Variants in FRAS1 observed in about 807,000 individuals in gnomAD.
FRAS1 encodes the protein extracellular matrix organizing protein FRAS1.
FRAS1 carries 290 observed loss-of-function variants against 435.2 expected under a neutral mutation model. That is an observed-to-expected ratio of 0.67 (90% confidence interval 0.61 to 0.73). The LOEUF is 0.73. Ranked by LOEUF, FRAS1 falls within the 30% of genes least tolerant of loss-of-function variation. The pLI, the probability that FRAS1 is intolerant of heterozygous loss-of-function variation, is 0.00. For missense variants in FRAS1, 4,860 were observed against 5,001.5 expected, an observed-to-expected ratio of 0.97 and a Z score of 0.85; for synonymous variants, 1,800 against 1,851.0, an observed-to-expected ratio of 0.97 and a Z score of 0.71.
intron 26 of FRAS1, among the ~76,000 whole-genome samples, chr4:78,378,649 T>C (rs145053718): frequency 6.6e-6 from 1 of 152,332 alleles, no homozygotes; most frequent in East Asian, 1.9e-4. Context: ...GCTCATGTGC[T>C]TATTGGCCTT....
intron 35 of FRAS1, among the ~76,000 whole-genome samples, chr4:78,428,214 G>A (rs998039146): frequency 6.6e-6 from 1 of 152,134 alleles, no homozygotes; most frequent in Non-Finnish European, 1.5e-5. Context: ...TCACTGTTTT[G>A]TTCACTATTT....
At chr4:78,347,609 T>C (rs560267136) in intron 20 of FRAS1, among the ~76,000 whole-genome samples, 1 of 152,288 alleles carries the variant, frequency 6.6e-6, no homozygotes, top group East Asian at 1.9e-4. Context: ...TGCTGTTACA[T>C]GCTCTTCCCT....
At chr4:78,422,517 G>C (rs1277776225) in intron 34 of FRAS1, among the ~76,000 whole-genome samples, 1 of 152,168 alleles carries the variant, frequency 6.6e-6, no homozygotes, top group Admixed American at 6.5e-5. Context: ...TATGTATTTG[G>C]ATGGTCAGGA....
chr4:78,106,020 G>A (rs1208972506), intron 2 of FRAS1, among the ~76,000 whole-genome samples: 4 of 133,390 alleles, frequency 3.0e-5, no homozygotes, highest in Non-Finnish European at 3.2e-5. Context: ...ACTCCCACCC[G>A]AATATTGCGC....
At position 78,407,767 on chromosome 4, in the gene FRAS1, C is replaced by G; in HGVS notation, c.4234C>G (p.Gln1412Glu). ...TATPTSTFTQ[Q>E]DINEGIVWYR... ...TACCCCCACCAGCACCTTCACCCAG[C>G]AGGACATCAATGAAGGCATCGTATG... is the stretch of plus-strand genomic sequence containing the variant. Residue 1412 changes from glutamine to glutamate, a missense_variant, in exon 31 of 74, where the codon CAG becomes GAG. Coordinates refer to ENST00000512123, the MANE Select transcript of FRAS1 (RefSeq NM_025074.7). 6.2e-7 allele frequency: 1 copy of G among 1,613,886 alleles called. No homozygotes were observed. Among genetic ancestry groups the G allele is most frequent in the Non-Finnish European group, 8.5e-7 (1 of 1,179,816 alleles).
At chr4:78,464,400 T>C (rs552697577) in intron 48 of FRAS1, 43 bp from the exon 49 acceptor site, 2 of 1,612,884 alleles carry the variant, frequency 1.2e-6, no homozygotes, top group East Asian at 4.5e-5. Context: ...GTTGGGTAGG[T>C]GCTAGGGACA....
Position 78,108,986 on chromosome 4 carries a change from C to A in FRAS1, c.108+42970C>A, listed in dbSNP as rs1382545430. ...CTACAAACACCTCTACGCAAATAAA[C>A]TAGAAAATCTAGAAGAAATGGATAC... On this transcript the variant is annotated intron_variant, in intron 2 of 73. Coordinates refer to ENST00000512123, the MANE Select transcript of FRAS1 (RefSeq NM_025074.7). Among the ~76,000 whole-genome samples the A allele has an allele frequency of 2.8e-3, 162 of 57,096 alleles. 11 individuals are homozygous for A. The highest frequency in any genetic ancestry group is 3.9e-3 in the Non-Finnish European group (125 of 32,010). The allele number at this position is 57,096 out of a possible 152,430, so 37.5% of individuals were successfully genotyped here.
intron 18 of FRAS1, among the ~76,000 whole-genome samples, chr4:78,330,601 GC>G (rs1206377014): frequency 2.6e-5 from 4 of 152,126 alleles, no homozygotes; most frequent in Admixed American, 2.0e-4. Flanking sequence ...CTCTGAACTG[GC>G]CCCCCTGGGC....
intron 2 of FRAS1, among the ~76,000 whole-genome samples, chr4:78,189,719 T>C (rs955440807): frequency 2.0e-5 from 3 of 152,242 alleles, no homozygotes; most frequent in African/African-American, 7.2e-5. Flanking sequence ...CAGACACAGA[T>C]GGCAAGTCTC....
rs551739321 is a variant in FRAS1, at chr4:78,229,098, A to G, written c.109-8412A>G. Among the ~76,000 whole-genome samples, 4 of 152,310 alleles carry G rather than the reference A, an allele frequency of 2.6e-5. No homozygotes were observed. The East Asian group carries it at 5.8e-4, about 22-fold the overall frequency. The stretch of plus-strand genomic sequence containing the variant: ...TGGAGGTGGGTTTGGTGGGAAAAAC[A>G]TAAGCTTTGAAATCAGATGGACACT... On this transcript the variant is annotated intron_variant, in intron 2 of 73. Coordinates refer to ENST00000512123, the MANE Select transcript of FRAS1 (RefSeq NM_025074.7).
At chr4:78,072,219 C>G (rs1578105349) in intron 2 of FRAS1, 2 of 152,124 alleles carry the variant, frequency 1.3e-5, no homozygotes, top group Non-Finnish European at 2.9e-5. Flanking sequence ...CTGGTCTAAT[C>G]TGTAGACCTT....
chr4:78,275,898 A>C (rs190695443), intron 9 of FRAS1, among the ~76,000 whole-genome samples: 5 of 152,246 alleles, frequency 3.3e-5, no homozygotes, highest in East Asian at 3.9e-4. Flanking sequence ...TGGATAATAT[A>C]CTGCAGAGTG....
At chr4:78,444,235 A>G (rs955762880) in intron 41 of FRAS1, 3 of 448,518 alleles carry the variant, frequency 6.7e-6, no homozygotes, top group East Asian at 7.1e-5. Flanking sequence ...AAAAGTAAAA[A>G]TTGGAAGGAA....
intron 14 of FRAS1, among the ~76,000 whole-genome samples, chr4:78,305,293 G>A (rs1436073288): frequency 2.6e-5 from 4 of 151,448 alleles, no homozygotes; most frequent in Admixed American, 6.6e-5. Flanking sequence ...TATGTGGTCA[G>A]TTTTGGAATA....
intron 14 of FRAS1, among the ~76,000 whole-genome samples, chr4:78,304,828 AT>A (rs199643227): frequency 0.28 from 41,908 of 151,564 alleles, 6,516 homozygotes; most frequent in Admixed American, 0.35. Context: ...GGATTCATTA[AT>A]TTTTTGAAGG....
At chr4:78,275,672 G>A (rs982030242) in intron 9 of FRAS1, among the ~76,000 whole-genome samples, 1 of 152,176 alleles carries the variant, frequency 6.6e-6, no homozygotes, top group Non-Finnish European at 1.5e-5. Context: ...TATAGTTTCT[G>A]CCAAGAGATC....
chr4:78,245,352 T>C, intron 4 of FRAS1, 27 bp downstream of exon 4: 2 of 1,444,606 alleles, frequency 1.4e-6, no homozygotes, highest in Middle Eastern at 1.7e-4. Context: ...TCACGGTTGA[T>C]TCTGTGTCTG....
At chr4:78,276,160 C>G (rs981557522) in intron 9 of FRAS1, among the ~76,000 whole-genome samples, 1 of 152,192 alleles carries the variant, frequency 6.6e-6, no homozygotes, top group Non-Finnish European at 1.5e-5. Context: ...TGGTTTTCAG[C>G]TCCATCAGGT....
intron 38 of FRAS1, among the ~76,000 whole-genome samples, chr4:78,437,033 A>AT (rs1734457257): frequency 6.6e-6 from 1 of 152,188 alleles, no homozygotes; most frequent in Admixed American, 6.5e-5. Context: ...ATTCTTATGC[A>AT]TTTTTTGTAC....
Sources: gnomAD v4.1 joint callset for allele counts (sites outside exome capture counted in the v4.1 genomes callset) on GRCh38, gnomAD v4.1.1 for gene constraint, MANE v1.5 for transcripts, NCBI Gene and HGNC (gene_info 2026-07-23, HGNC 2026-07-21) for gene names.